Variants in ATP8A2 observed in about 807,000 individuals in gnomAD.
ATP8A2 encodes phospholipid-transporting ATPase IB.
ATP8A2 carries 100 observed loss-of-function variants against 165.6 expected under a neutral mutation model. That is an observed-to-expected ratio of 0.60 (90% CI 0.51 to 0.71). The LOEUF (loss-of-function observed/expected upper bound fraction) is 0.71. Ranked by LOEUF, ATP8A2 falls within the 30% of genes least tolerant of loss-of-function variation. The pLI, the probability that ATP8A2 is intolerant of heterozygous loss-of-function variation, is 0.00. For missense variants in ATP8A2, 1,227 were observed against 1,479.5 expected, an observed-to-expected ratio of 0.83 and a Z score of 2.80; for synonymous variants, 543 against 548.8, an observed-to-expected ratio of 0.99 and a Z score of 0.15.
Position 25,567,060 on chromosome 13 carries a change from C to T in ATP8A2, c.1473+3029C>T. Reference sequence around the variant, plus strand: ...GAAACCCAGTGGCCTGGGGCAAATCCTTACTTGGAGAAGAGCTTCTCTGGG... The same window carrying T: ...GAAACCCAGTGGCCTGGGGCAAATCTTTACTTGGAGAAGAGCTTCTCTGGG... On this transcript the variant is annotated intron_variant, in intron 16 of 36. Coordinates refer to ENST00000381655, the MANE Select transcript of ATP8A2 (RefSeq NM_016529.6). The T allele has an allele frequency of 7.4e-6, 2 of 269,602 alleles. 1 individual carries two copies. Among genetic ancestry groups the T allele is most frequent in the South Asian group, 7.6e-5 (2 of 26,406 alleles). 16.7% of individuals were successfully genotyped at this position (269,602 alleles called of 1,614,324 possible).
intron 6 of ATP8A2, 149 bp downstream of exon 6, chr13:25,533,462 C>G: frequency 2.0e-6 from 1 of 497,344 alleles, no homozygotes; most frequent in Non-Finnish European, 3.5e-6. Flanking sequence ...TACTCCTTCC[C>G]TTGCACCTTC....
At chr13:25,866,246 C>T (rs991354047) in intron 33 of ATP8A2, among the ~76,000 whole-genome samples, 2 of 152,174 alleles carry the variant, frequency 1.3e-5, no homozygotes, top group African/African-American at 4.8e-5. Flanking sequence ...ATGATAGTTA[C>T]GTAACCATTG....
chr13:25,386,813 C>T lies in ATP8A2; in HGVS notation c.76+14525C>T, dbSNP rs192639397. Among the ~76,000 whole-genome samples the T allele has an allele frequency of 7.7e-3, 1,177 of 152,132 alleles. 8 individuals carry two copies. The highest frequency in any genetic ancestry group is 0.027 in the African/African-American group (1,108 of 41,512). ...GAGATCGAGACCAATCTGGCTAACA[C>T]GGTGAAACCCCGTCTCTACTAAAAA... is the stretch of plus-strand genomic sequence containing the variant. On this transcript the variant is annotated intron_variant, in intron 1 of 36. Transcript: ENST00000381655.
chr13:25,830,750 C>T (rs765135031), intron 28 of ATP8A2, among the ~76,000 whole-genome samples: 14 of 152,188 alleles, frequency 9.2e-5, no homozygotes, highest in Admixed American at 3.9e-4. Context: ...CATACTTGTA[C>T]GCATGCACAC....
chr13:25,565,965 G>GA (rs1311058404), intron 16 of ATP8A2, among the ~76,000 whole-genome samples: 1 of 151,404 alleles, frequency 6.6e-6, no homozygotes, highest in Admixed American at 6.6e-5. Flanking sequence ...TTTTTTTTCT[G>GA]AAAAAATTTC....
rs887796262 is a variant in ATP8A2 at position 25,703,607 on chromosome 13, TA to T, written c.2384+4271del. ...CATACGGTGGAATATTATTGAGCCATAAAAAAAAATAAAGTAGTGACATGTG... is the reference window on the plus strand; with the variant it reads ...CATACGGTGGAATATTATTGAGCCATAAAAAAAATAAAGTAGTGACATGTG... On this transcript the variant is annotated intron_variant, in intron 25 of 36. Coordinates refer to ENST00000381655, the MANE Select transcript of ATP8A2 (RefSeq NM_016529.6). Among the ~76,000 whole-genome samples, 24 of 150,868 alleles carry T rather than the reference TA, an allele frequency of 1.6e-4. No individual in the cohort carries two copies. In the East Asian group the frequency reaches 1.8e-3, roughly 11 times the overall value.
At chr13:25,576,176 T>C (rs2039612958) in intron 19 of ATP8A2, among the ~76,000 whole-genome samples, 1 of 152,104 alleles carries the variant, frequency 6.6e-6, no homozygotes. Flanking sequence ...CCAGGTCAGC[T>C]AGAGCACTAT....
chr13:25,741,164 A>G (rs1422856506), intron 25 of ATP8A2, among the ~76,000 whole-genome samples: 2 of 152,256 alleles, frequency 1.3e-5, no homozygotes, highest in Non-Finnish European at 2.9e-5. Flanking sequence ...TTTAAAAATC[A>G]TCACCAATTC....
At chr13:25,650,800 T>C (rs1290012232) in intron 24 of ATP8A2, among the ~76,000 whole-genome samples, 1 of 152,242 alleles carries the variant, frequency 6.6e-6, no homozygotes, top group Admixed American at 6.5e-5. Flanking sequence ...CATTCAATAA[T>C]TTCCCAATGT....
At chr13:25,461,477 G>A (rs951220939) in intron 1 of ATP8A2, among the ~76,000 whole-genome samples, 7 of 152,204 alleles carry the variant, frequency 4.6e-5, no homozygotes, top group African/African-American at 9.6e-5. Context: ...GGAGCGGAAT[G>A]TATGTGTATA....
chr13:25,534,726 G>A (rs978833474), intron 6 of ATP8A2, among the ~76,000 whole-genome samples: 1 of 152,246 alleles, frequency 6.6e-6, no homozygotes, highest in African/African-American at 2.4e-5. Flanking sequence ...CTCCTGGCAT[G>A]TGCCAGAGAT....
chr13:25,937,303 C>T (rs567395834), intron 33 of ATP8A2, among the ~76,000 whole-genome samples: 37 of 123,468 alleles, frequency 3.0e-4, no homozygotes, highest in African/African-American at 1.0e-3. Context: ...TCATAGAAGT[C>T]ATTCACTCAA....
chr13:25,413,254 T>A (rs1034098190), intron 1 of ATP8A2, among the ~76,000 whole-genome samples: 4 of 151,124 alleles, frequency 2.6e-5, no homozygotes, highest in Admixed American at 2.6e-4. Context: ...GTAGTCAGAC[T>A]TTTTTTTCTT....
intron 13 of ATP8A2, among the ~76,000 whole-genome samples, chr13:25,557,247 C>G (rs997395784): frequency 7.2e-5 from 11 of 152,190 alleles, no homozygotes; most frequent in Non-Finnish European, 1.3e-4. Flanking sequence ...CAGAGAATGT[C>G]CTTGGCACAG....
intron 1 of ATP8A2, among the ~76,000 whole-genome samples, chr13:25,397,538 G>C (rs972451944): frequency 6.6e-6 from 1 of 152,030 alleles, no homozygotes; most frequent in South Asian, 2.1e-4. Context: ...TGCAATATGG[G>C]TCCATTTCTG....
intron 33 of ATP8A2, among the ~76,000 whole-genome samples, chr13:25,943,846 A>G (rs1955138794): frequency 6.6e-6 from 1 of 152,214 alleles, no homozygotes; most frequent in Non-Finnish European, 1.5e-5. Context: ...TTAACTGAGC[A>G]CCAAGATGTA....
intron 24 of ATP8A2, among the ~76,000 whole-genome samples, chr13:25,654,346 C>G (rs2137648421): frequency 6.6e-6 from 1 of 152,260 alleles, no homozygotes; most frequent in African/African-American, 2.4e-5. Context: ...GCTGGGACCA[C>G]AGATGTGTGC....
At position 25,534,718 on chromosome 13, in the gene ATP8A2, C is replaced by T. The variant is rs4278606; in HGVS notation, c.507+1405C>T. On this transcript the variant is annotated intron_variant, in intron 6 of 36. Transcript: ENST00000381655. Reference sequence around the variant, plus strand: ...TTACTTGGTTTATTTCAGTGGAGCTCCTGGCATGTGCCAGAGATTGTACTA... The same window carrying T: ...TTACTTGGTTTATTTCAGTGGAGCTTCTGGCATGTGCCAGAGATTGTACTA... Among the ~76,000 whole-genome samples the T allele has an allele frequency of 5.0e-3, 754 of 152,312 alleles. 7 individuals are homozygous for T. Among genetic ancestry groups the T allele is most frequent in the African/African-American group, 0.017 (724 of 41,562 alleles).
chr13:25,661,051 TTG>T (rs2042039847), intron 24 of ATP8A2, among the ~76,000 whole-genome samples: 2 of 152,274 alleles, frequency 1.3e-5, no homozygotes, highest in South Asian at 4.1e-4. Flanking sequence ...GATGGCCCAT[TTG>T]TGTCTGTGTT....
Sources: gnomAD v4.1 joint callset for allele counts (sites outside exome capture counted in the v4.1 genomes callset) on GRCh38, gnomAD v4.1.1 for gene constraint, MANE v1.5 for transcripts, NCBI Gene and HGNC (gene_info 2026-07-23, HGNC 2026-07-21) for gene names.